POP5: variants seen among roughly 807,000 people sequenced by gnomAD.
POP5 encodes the protein POP5 ribonuclease P/MRP subunit.
In POP5, 18 loss-of-function variants were observed where a neutral mutation model predicts 20.7. That is an observed-to-expected ratio of 0.87 (90% CI 0.60 to 1.29). The LOEUF is 1.29. POP5 is among the 50% of genes most tolerant of loss of function. POP5 has a pLI of 0.00. For synonymous variants in POP5, 91 were observed against 78.0 expected, an observed-to-expected ratio of 1.17 and a Z score of -0.88; for missense variants, 200 against 203.2, an observed-to-expected ratio of 0.98 and a Z score of 0.10.
At chr12:120,579,622 A>G in intron 3 of POP5, 25 bp from the exon 4 acceptor site, 2 of 1,600,836 alleles carry the variant, frequency 1.2e-6, no homozygotes, top group Non-Finnish European at 1.7e-6. Context: ...ACTGTGGTCA[A>G]CAGCTTGTGA....
rs377388521 is a variant in POP5 at position 120,581,331 on chromosome 12, G to A, written c.20+12C>T. On this transcript the variant is annotated intron_variant, in intron 1 of 4. Coordinates refer to ENST00000357500, the MANE Select transcript of POP5 (RefSeq NM_015918.4). ...AGCAAGGCACTGGGAGGGTCTGGAA[G>A]GGAATGCTTACCTGTGCTTGAACCG... 5 of 1,614,042 alleles carry A rather than the reference G, an allele frequency of 3.1e-6. No homozygotes were observed. Among genetic ancestry groups the A allele is most frequent in the East Asian group, 4.5e-5 (2 of 44,882 alleles).
At chr12:120,580,419 A>C (rs1286870360) in intron 2 of POP5, among the ~76,000 whole-genome samples, 1 of 152,236 alleles carries the variant, frequency 6.6e-6, no homozygotes, top group Non-Finnish European at 1.5e-5. Flanking sequence ...TTCACTAGTT[A>C]ATTCAATAAA....
At chr12:120,580,842 C>T (rs1345562630) in intron 2 of POP5, 1 of 515,162 alleles carries the variant, frequency 1.9e-6, no homozygotes, top group African/African-American at 1.9e-5. Flanking sequence ...ATTCTCTACC[C>T]TATCAAATTC....
chr12:120,580,522 C>T (rs146429057), intron 2 of POP5: 2,108 of 153,912 alleles, frequency 0.014, 51 homozygotes, highest in South Asian at 0.066. Flanking sequence ...CATTTGGGCT[C>T]CGTAATTATT....
At chr12:120,580,325 G>T (rs1164663111) in intron 2 of POP5, among the ~76,000 whole-genome samples, 1 of 152,212 alleles carries the variant, frequency 6.6e-6, no homozygotes, top group East Asian at 1.9e-4. Context: ...CTATCAGCGA[G>T]TAAAAGAGAA....
Position 120,579,547 on chromosome 12 carries a change from G to A in POP5, c.364C>T (p.Leu122=). The change falls in exon 4 of 5, where the codon CTG becomes TTG. Residue 122 remains leucine (L), a synonymous_variant. Transcript: ENST00000357500. The part of the protein sequence containing the change: ...KFLIQYNRRQ[L]LILLQNCTDE... ...GTGCAGTTCTGCAACAAGATCAACA[G>A]CTGTCTCCTGTTGTACTGAATTAGG... 1 of 1,614,112 alleles carries A rather than the reference G, an allele frequency of 6.2e-7. No individual in the cohort carries two copies.
rs144108567 is a variant in POP5 at position 120,579,118 on chromosome 12, C to T, written c.*200G>A. The stretch of plus-strand genomic sequence containing the variant: ...TAAAGATGTCTACAGAGTTCACAAC[C>T]TGCAACACTTCACCAGGGAATGCTA... On this transcript the variant is annotated 3_prime_UTR_variant, in exon 5 of 5. Transcript: ENST00000357500. 19 of 606,494 alleles carry T rather than the reference C, an allele frequency of 3.1e-5. No individual in the cohort carries two copies. The Middle Eastern group carries it at 1.8e-3, about 56-fold the overall frequency. The allele number at this position is 606,494 out of a possible 1,614,324, so 37.6% of individuals were successfully genotyped here.
chr12:120,580,998 TACAAAAA>T, intron 2 of POP5, 110 bp downstream of exon 2: 1 of 1,457,160 alleles, frequency 6.9e-7, no homozygotes, highest in East Asian at 2.3e-5. Context: ...AGAGATACCT[TACAAAAA>T]ACGGTGCACG....
Position 120,581,056 on chromosome 12 carries a change from T to A in POP5, c.163+59A>T. 2.5e-6 allele frequency: 4 copies of A among 1,585,672 alleles called. No individual in the cohort carries two copies. The South Asian group carries it at 4.5e-5, about 18-fold the overall frequency. On this transcript the variant is annotated intron_variant, in intron 2 of 4. Transcript: ENST00000357500. ...GCCCCTTCTTTCTTCCTCCGGCGCC[T>A]GCCCCCTCCACATCCCGCCATCCTC...
chr12:120,580,731 G>GC (rs1381668336), intron 2 of POP5: 1 of 234,960 alleles, frequency 4.3e-6, no homozygotes, highest in Non-Finnish European at 8.5e-6. Flanking sequence ...CTATTTAAGG[G>GC]CTTTCCCGGA....
Position 120,579,350 on chromosome 12 carries a change from A to ACTCCTC in POP5, c.454_459dup (p.Glu152_Glu153dup), listed in dbSNP as rs758136679. On this transcript the variant is annotated inframe_insertion, in exon 5 of 5. Coordinates refer to ENST00000357500, the MANE Select transcript of POP5 (RefSeq NM_015918.4). ...ATTGCTTCTGCAGCCTCCTCACCTG[A>ACTCCTC]CTCCTCCTCCTCCTCTAATAAGCAG... is the stretch of plus-strand genomic sequence containing the variant. The ACTCCTC allele has an allele frequency of 6.3e-7, 1 of 1,585,060 alleles. No homozygotes were observed. Among genetic ancestry groups the ACTCCTC allele is most frequent in the Non-Finnish European group, 8.7e-7 (1 of 1,155,022 alleles).
rs1343332498 is a variant in POP5, at chr12:120,579,124, C to T, written c.*194G>A. The T allele has an allele frequency of 3.3e-6, 2 of 609,274 alleles. No homozygotes were observed. The highest frequency in any genetic ancestry group is 5.9e-6 in the Non-Finnish European group (2 of 340,604). 37.7% of individuals were successfully genotyped at this position (609,274 alleles called of 1,614,324 possible). ...TGTCTACAGAGTTCACAACCTGCAA[C>T]ACTTCACCAGGGAATGCTAGGTAAA... On this transcript the variant is annotated 3_prime_UTR_variant, in exon 5 of 5. Coordinates refer to ENST00000357500, the MANE Select transcript of POP5 (RefSeq NM_015918.4).
Position 120,579,602 on chromosome 12 carries a change from CAT to C in POP5, c.314-7_314-6del, listed in dbSNP as rs1294334143. ...TCTGACATGTTCTTATTGTACCTGG[CAT>C]ATGAGTTACTGTGGTCAACAGCTTG... On this transcript the variant is annotated splice_region_variant and splice_polypyrimidine_tract_variant and intron_variant, in intron 3 of 4. Coordinates refer to ENST00000357500, the MANE Select transcript of POP5 (RefSeq NM_015918.4). The C allele has an allele frequency of 5.0e-6, 8 of 1,610,448 alleles. No individual in the cohort carries two copies. Among genetic ancestry groups the C allele is most frequent in the South Asian group, 1.1e-5 (1 of 90,968 alleles).
intron 2 of POP5, 87 bp downstream of exon 2, chr12:120,581,028 C>G: frequency 6.4e-7 from 1 of 1,552,844 alleles, no homozygotes. Flanking sequence ...CTTGGCCACT[C>G]GTGCCCCTTC....
chr12:120,579,917 T>TA lies in POP5; in HGVS notation c.169dup (p.Tyr57LeufsTer75). The TA allele has an allele frequency of 1.2e-6, 2 of 1,613,468 alleles. No individual in the cohort carries two copies. Among genetic ancestry groups the TA allele is most frequent in the African/African-American group, 2.7e-5 (2 of 75,044 alleles). On this transcript the variant is annotated frameshift_variant, in exon 3 of 5. Coordinates refer to ENST00000357500, the MANE Select transcript of POP5 (RefSeq NM_015918.4). LOFTEE classifies it high-confidence loss of function. ...CACTATTCCAGTATAGGCATTGAGA[T>TA]ATCGAACTACAACAGGAAAGAAAAA...
chr12:120,579,965 T>C, intron 2 of POP5, 42 bp from the exon 3 acceptor site: 1 of 1,584,824 alleles, frequency 6.3e-7, no homozygotes, highest in Non-Finnish European at 8.6e-7. Context: ...ACTTTTGCTC[T>C]GTGTGGTGGC....
chr12:120,579,904 A>G lies in POP5; in HGVS notation c.183T>C (p.Tyr61=). Residue 61 remains tyrosine, a synonymous_variant, in exon 3 of 5, where the codon TAT becomes TAC. Transcript: ENST00000357500. Reference sequence around the variant, plus strand: ...TGCATCGAAGTAGCACTATTCCAGTATAGGCATTGAGATATCGAACTACAA... The same window carrying G: ...TGCATCGAAGTAGCACTATTCCAGTGTAGGCATTGAGATATCGAACTACAA... The part of the protein sequence containing the change: ...IGFAVRYLNA[Y]TGIVLLRCRK... 6.2e-7 allele frequency: 1 copy of G among 1,613,780 alleles called. No homozygotes were observed. Among genetic ancestry groups the G allele is most frequent in the Admixed American group, 1.7e-5 (1 of 60,024 alleles).
chr12:120,579,486 C>A (rs1415648693), intron 4 of POP5, 28 bp downstream of exon 4: 1 of 1,609,310 alleles, frequency 6.2e-7, no homozygotes, highest in Non-Finnish European at 8.5e-7. Context: ...AGTCACTGCT[C>A]AGTGGGCACT....
intron 2 of POP5, 84 bp downstream of exon 2, chr12:120,581,031 G>T: frequency 6.4e-7 from 1 of 1,556,664 alleles, no homozygotes; most frequent in South Asian, 1.2e-5. Flanking sequence ...GGCCACTCGT[G>T]CCCCTTCTTT....
Sources: allele counts gnomAD v4.1 joint callset (sites outside exome capture counted in the v4.1 genomes callset), GRCh38; gene constraint gnomAD v4.1.1; transcripts MANE v1.5; gene names NCBI Gene and HGNC (gene_info 2026-07-23, HGNC 2026-07-21).